PLEKHA7: variants seen among roughly 807,000 people sequenced by gnomAD.
PLEKHA7 encodes the protein pleckstrin homology domain containing A7.
Under a neutral mutation model 170.0 loss-of-function variants are expected in PLEKHA7, and 104 were observed. The ratio of observed to expected loss-of-function variants is 0.61; its 90% CI spans 0.52 to 0.72. PLEKHA7 has a LOEUF of 0.72. Ranked by LOEUF, PLEKHA7 falls within the 30% of genes least tolerant of loss-of-function variation. PLEKHA7 has a pLI of 0.00. For missense variants in PLEKHA7, 1,615 were observed against 1,671.7 expected (o/e 0.97, Z 0.59); for synonymous variants, 648 against 660.8 (o/e 0.98, Z 0.30).
At chr11:16,851,317 C>T (rs973755646) in intron 7 of PLEKHA7, 26 bp from the exon 8 acceptor site, 2 of 1,581,300 alleles carry the variant, frequency 1.3e-6, no homozygotes. Context: ...TGCATCAGAA[C>T]AACCTTCTGG....
At chr11:16,896,173 T>A (rs920558477) in intron 3 of PLEKHA7, among the ~76,000 whole-genome samples, 1 of 152,236 alleles carries the variant, frequency 6.6e-6, no homozygotes, top group Non-Finnish European at 1.5e-5. Context: ...ATTAGACACT[T>A]CTTCCAAGAT....
chr11:16,782,215 A>G (rs535466364), intron 26 of PLEKHA7, among the ~76,000 whole-genome samples: 1 of 152,016 alleles, frequency 6.6e-6, no homozygotes, highest in Admixed American at 6.5e-5. Context: ...TTTTTTTCCA[A>G]TTGGACTGCA....
chr11:16,946,235 C>A (rs1484885517), intron 3 of PLEKHA7, among the ~76,000 whole-genome samples: 1 of 152,226 alleles, frequency 6.6e-6, no homozygotes, highest in African/African-American at 2.4e-5. Flanking sequence ...TCCATGCCAG[C>A]CCATGTCCAG....
chr11:17,005,644 C>T (rs979154556), intron 3 of PLEKHA7, among the ~76,000 whole-genome samples: 1 of 152,210 alleles, frequency 6.6e-6, no homozygotes, highest in Non-Finnish European at 1.5e-5. Context: ...CAGCATCTGT[C>T]CTATCTCTAA....
intron 9 of PLEKHA7, among the ~76,000 whole-genome samples, chr11:16,831,154 T>A (rs1851073351): frequency 6.6e-6 from 1 of 152,194 alleles, no homozygotes; most frequent in South Asian, 2.1e-4. Flanking sequence ...GGGACTTACA[T>A]AAAATGCACC....
rs551080457 is a variant in PLEKHA7, at chr11:16,875,699, C to G, written c.222-4517G>C. 6.6e-5 allele frequency among the ~76,000 whole-genome samples: 10 copies of G among 152,198 alleles called. No homozygotes were observed. The South Asian group carries it at 2.1e-3, about 32-fold the overall frequency. ...AGCTCAAGCAATCTACCCCCTTGGG[C>G]CCCCAAAGTGCTAAGATTACAGGTG... On this transcript the variant is annotated intron_variant, in intron 3 of 26. Coordinates refer to ENST00000531066, the MANE Select transcript of PLEKHA7 (RefSeq NM_001329630.2).
intron 3 of PLEKHA7, among the ~76,000 whole-genome samples, chr11:16,981,118 T>C (rs1863401642): frequency 6.6e-6 from 1 of 152,070 alleles, no homozygotes; most frequent in Non-Finnish European, 1.5e-5. Flanking sequence ...GAAAGAGTGT[T>C]GCTCTGTTCC....
At chr11:16,851,574 GA>G (rs1052450035) in intron 7 of PLEKHA7, among the ~76,000 whole-genome samples, 1 of 152,106 alleles carries the variant, frequency 6.6e-6, no homozygotes, top group African/African-American at 2.4e-5. Flanking sequence ...TTAGCCTCCT[GA>G]GTAGCTGGGA....
intron 3 of PLEKHA7, among the ~76,000 whole-genome samples, chr11:16,901,347 C>T (rs1590544295): frequency 1.3e-5 from 2 of 152,128 alleles, no homozygotes; most frequent in East Asian, 3.9e-4. Flanking sequence ...TAATTTTGTG[C>T]TAAATTAAAT....
chr11:16,878,026 C>A (rs1305558385), intron 3 of PLEKHA7, among the ~76,000 whole-genome samples: 1 of 152,136 alleles, frequency 6.6e-6, no homozygotes, highest in Non-Finnish European at 1.5e-5. Context: ...ATAGAATGAG[C>A]CTCCCTTCCC....
intron 3 of PLEKHA7, among the ~76,000 whole-genome samples, chr11:16,939,188 G>A (rs1325869004): frequency 6.6e-6 from 1 of 152,138 alleles, no homozygotes; most frequent in Non-Finnish European, 1.5e-5. Context: ...GAAGCAGGTA[G>A]ATCATCTTGA....
intron 17 of PLEKHA7, among the ~76,000 whole-genome samples, chr11:16,795,793 A>G (rs1484456234): frequency 6.6e-6 from 1 of 151,928 alleles, no homozygotes; most frequent in African/African-American, 2.4e-5. Flanking sequence ...TGTCTCAACA[A>G]AATAATAATA....
chr11:16,939,782 C>A (rs1860554595), intron 3 of PLEKHA7, among the ~76,000 whole-genome samples: 1 of 152,184 alleles, frequency 6.6e-6, no homozygotes, highest in Admixed American at 6.5e-5. Flanking sequence ...GGCCTTCCTT[C>A]TATTAATGAG....
intron 3 of PLEKHA7, among the ~76,000 whole-genome samples, chr11:16,884,179 T>C (rs1855904979): frequency 6.6e-6 from 1 of 152,172 alleles, no homozygotes; most frequent in Non-Finnish European, 1.5e-5. Flanking sequence ...CTTTGAGAGA[T>C]GATCCACAGG....
chr11:16,941,810 A>C (rs117433507), intron 3 of PLEKHA7, among the ~76,000 whole-genome samples: 1 of 152,354 alleles, frequency 6.6e-6, no homozygotes, highest in East Asian at 1.9e-4. Context: ...ACTATGTCAA[A>C]ACCTAATACA....
At chr11:16,848,362 C>A (rs1213522249) in intron 8 of PLEKHA7, among the ~76,000 whole-genome samples, 3 of 152,238 alleles carry the variant, frequency 2.0e-5, no homozygotes, top group Non-Finnish European at 4.4e-5. Context: ...AAAAACCATG[C>A]CTCTTGGCAT....
At chr11:16,845,341 GTGTTT>G (rs568123902) in intron 8 of PLEKHA7, among the ~76,000 whole-genome samples, 109 of 152,218 alleles carry the variant, frequency 7.2e-4, no homozygotes, top group Admixed American at 4.1e-3. Flanking sequence ...CTATTAAAGA[GTGTTT>G]TGTTTTGTTT....
chr11:16,847,090 C>CTTT (rs59132787), intron 8 of PLEKHA7, among the ~76,000 whole-genome samples: 459 of 70,778 alleles, frequency 6.5e-3, no homozygotes, highest in African/African-American at 8.0e-3. Flanking sequence ...TTTTTTTTTT[C>CTTT]TTTTTTTTTT....
Position 16,804,614 on chromosome 11 carries a change from A to ACCAAAGACG in PLEKHA7, c.2008-1320_2008-1319insCGTCTTTGG, listed in dbSNP as rs1848820355. On this transcript the variant is annotated intron_variant, in intron 13 of 26. Transcript: ENST00000531066. ...ATTCCCACGATCCCTTTGGTCACAC[A>ACCAAAGACG]GAAGAGGACGGAACCATTGTTTTAT... Among the ~76,000 whole-genome samples, 3 of 152,338 alleles carry ACCAAAGACG rather than the reference A, an allele frequency of 2.0e-5. No individual in the cohort carries two copies. The South Asian group carries it at 6.2e-4, about 32-fold the overall frequency.
Sources: allele counts gnomAD v4.1 joint callset (sites outside exome capture counted in the v4.1 genomes callset), GRCh38; gene constraint gnomAD v4.1.1; transcripts MANE v1.5; gene names NCBI Gene and HGNC (gene_info 2026-07-23, HGNC 2026-07-21).